RCHY1: variants seen among roughly 807,000 people sequenced by gnomAD.
RCHY1 encodes RING finger and CHY zinc finger domain-containing protein 1.
RCHY1 carries 21 observed loss-of-function variants against 41.6 expected under a neutral mutation model. The observed-to-expected ratio is 0.51, with a 90% CI of 0.36 to 0.73. The LOEUF (loss-of-function observed/expected upper bound fraction) is 0.73, where lower values mean the gene tolerates loss of function less well. Ranked by LOEUF, RCHY1 falls within the 30% of genes least tolerant of loss-of-function variation. RCHY1 has a pLI of 0.00. For missense variants in RCHY1, 265 were observed against 325.3 expected (o/e 0.81, Z 1.43); for synonymous variants, 79 against 102.9 (o/e 0.77, Z 1.41).
chr4:75,511,120 A>G (rs1724820526), intron 1 of RCHY1, among the ~76,000 whole-genome samples: 1 of 152,176 alleles, frequency 6.6e-6, no homozygotes, highest in African/African-American at 2.4e-5. Context: ...CTATTGCTCT[A>G]TCTTGCACTT....
intron 3 of RCHY1, among the ~76,000 whole-genome samples, chr4:75,506,606 A>C (rs570585450): frequency 2.0e-5 from 3 of 152,120 alleles, no homozygotes; most frequent in Admixed American, 2.0e-4. Context: ...TATCCAATTT[A>C]AGCATAAAGA....
chr4:75,490,502 T>TC, intron 8 of RCHY1, 79 bp downstream of exon 8: 2 of 1,119,334 alleles, frequency 1.8e-6, no homozygotes, highest in South Asian at 1.6e-5. Flanking sequence ...TATTTTTTTT[T>TC]TGGCAAATTC....
intron 1 of RCHY1, among the ~76,000 whole-genome samples, chr4:75,509,964 C>G (rs947492789): frequency 6.6e-6 from 1 of 152,182 alleles, no homozygotes; most frequent in Non-Finnish European, 1.5e-5. Flanking sequence ...TGAGCCTAAA[C>G]AGCAAACAGG....
chr4:75,492,786 T>G (rs1722867802), intron 4 of RCHY1, among the ~76,000 whole-genome samples: 1 of 151,964 alleles, frequency 6.6e-6, no homozygotes, highest in African/African-American at 2.4e-5. Flanking sequence ...AATAATAAGC[T>G]TAATAGTAAG....
At chr4:75,492,217 C>T (rs1312641975) in intron 4 of RCHY1, among the ~76,000 whole-genome samples, 1 of 151,826 alleles carries the variant, frequency 6.6e-6, no homozygotes, top group Non-Finnish European at 1.5e-5. Flanking sequence ...GACACTTACC[C>T]AAGATCCAAA....
intron 3 of RCHY1, among the ~76,000 whole-genome samples, chr4:75,504,175 C>A (rs7657576): frequency 0.4 from 59,990 of 151,848 alleles, 11,997 homozygotes; most frequent in East Asian, 0.42. Context: ...CAAGCTAGAA[C>A]CTATTAGAAA....
chr4:75,487,281 G>A (rs928596530), intron 8 of RCHY1, among the ~76,000 whole-genome samples: 1 of 150,818 alleles, frequency 6.6e-6, no homozygotes, highest in African/African-American at 2.4e-5. Context: ...TTTACTTTTG[G>A]GTAAATTTCA....
In RCHY1 at chr4:75,490,613, T is replaced by G; in HGVS notation, c.625A>C (p.Met209Leu). The change falls in exon 8 of 9, where the codon ATG becomes CTG. Residue 209 changes from methionine (M) to leucine (L), a missense_variant. Coordinates refer to ENST00000324439, the MANE Select transcript of RCHY1 (RefSeq NM_015436.4). ...QLDDEVAQTP[M>L]PSEYQNMTVD... Reference sequence around the variant, plus strand: ...GTCATGTTCTGATATTCTGATGGCATAGGAGTCTGTGCTACTTCATCATCC... The same window carrying G: ...GTCATGTTCTGATATTCTGATGGCAGAGGAGTCTGTGCTACTTCATCATCC... 1 of 1,612,792 alleles carries G rather than the reference T, an allele frequency of 6.2e-7. No individual in the cohort carries two copies. The highest frequency in any genetic ancestry group is 8.5e-7 in the Non-Finnish European group (1 of 1,179,010).
At chr4:75,490,536 T>G (rs779129335) in intron 8 of RCHY1, 45 bp downstream of exon 8, 4 of 1,541,672 alleles carry the variant, frequency 2.6e-6, no homozygotes, top group Non-Finnish European at 3.5e-6. Context: ...AAAATAAGAG[T>G]GCCAACAAGG....
chr4:75,491,675 A>G (rs1722765389), intron 6 of RCHY1, 38 bp from the exon 7 acceptor site: 1 of 1,601,020 alleles, frequency 6.2e-7, no homozygotes, highest in Non-Finnish European at 8.5e-7. Context: ...TAAAACAAAA[A>G]CTGTCTCCAC....
At chr4:75,483,640 A>G (rs1578200980) in intron 8 of RCHY1, among the ~76,000 whole-genome samples, 1 of 152,348 alleles carries the variant, frequency 6.6e-6, no homozygotes, top group East Asian at 1.9e-4. Flanking sequence ...TACATGGAAC[A>G]TAGCACACTT....
At chr4:75,494,252 C>A in intron 3 of RCHY1, 73 bp from the exon 4 acceptor site, 1 of 1,094,558 alleles carries the variant, frequency 9.1e-7, no homozygotes, top group Non-Finnish European at 1.3e-6. Context: ...TTATGTAAAA[C>A]ACAAGTTTAG....
rs1721319835 is a variant in RCHY1 at position 75,479,043 on chromosome 4, A to C, written c.*3495T>G. 1 of 152,174 alleles carries C rather than the reference A, an allele frequency of 6.6e-6. No homozygotes were observed. Among genetic ancestry groups the C allele is most frequent in the Non-Finnish European group, 1.5e-5 (1 of 68,002 alleles). The allele number at this position is 152,174 out of a possible 1,614,324, so 9.4% of individuals were successfully genotyped here. A position where few individuals can be genotyped will look rare whatever the true frequency, so the allele number is the denominator to read the frequency against. The stretch of plus-strand genomic sequence containing the variant: ...AAAGGGTACAAAATATCAGTTAGAC[A>C]AGAGGAATAAACTTTACTGATCTAT... On this transcript the variant is annotated 3_prime_UTR_variant, in exon 9 of 9. Coordinates refer to ENST00000324439, the MANE Select transcript of RCHY1 (RefSeq NM_015436.4).
intron 3 of RCHY1, among the ~76,000 whole-genome samples, chr4:75,501,845 A>G (rs1382551790): frequency 2.0e-5 from 3 of 152,176 alleles, no homozygotes; most frequent in Non-Finnish European, 4.4e-5. Context: ...TTGGGAGGCC[A>G]AGGTGGGAGG....
rs1420994603 is a variant in RCHY1, at chr4:75,509,221, T to G, written c.166A>C (p.Lys56Gln). The part of the protein sequence containing the change: ...NNEDHQLDRF[K>Q]VKEVQCINCE... Reference sequence around the variant, plus strand: ...TTTATGCACTGCACTTCCTTCACTTTAAAGCGATCTAGTTGATGATCTTCA... The same window carrying G: ...TTTATGCACTGCACTTCCTTCACTTGAAAGCGATCTAGTTGATGATCTTCA... Residue 56 changes from lysine (K) to glutamine (Q), a missense_variant, in exon 2 of 9, where the codon AAA becomes CAA. Lys to Gln is a moderately conservative substitution (Grantham distance 53). Coordinates refer to ENST00000324439, the MANE Select transcript of RCHY1 (RefSeq NM_015436.4). The G allele has an allele frequency of 1.9e-6, 3 of 1,613,270 alleles. No homozygotes were observed. Among genetic ancestry groups the G allele is most frequent in the Non-Finnish European group, 8.5e-7 (1 of 1,179,502 alleles).
intron 3 of RCHY1, among the ~76,000 whole-genome samples, chr4:75,499,915 A>G (rs1723585857): frequency 6.6e-6 from 1 of 152,242 alleles, no homozygotes; most frequent in East Asian, 1.9e-4. Flanking sequence ...AACTAGCTAA[A>G]AGAGAATTAA....
At chr4:75,511,046 C>T (rs1313181625) in intron 1 of RCHY1, among the ~76,000 whole-genome samples, 1 of 152,134 alleles carries the variant, frequency 6.6e-6, no homozygotes, top group Admixed American at 6.5e-5. Context: ...AACATGAAAT[C>T]TGAAATCGTA....
At chr4:75,509,414 G>T in intron 1 of RCHY1, 118 bp from the exon 2 acceptor site, 1 of 849,530 alleles carries the variant, frequency 1.2e-6, no homozygotes, top group Non-Finnish European at 1.8e-6. Context: ...ACAACCAATA[G>T]ATCAGTTGCT....
intron 2 of RCHY1, 114 bp downstream of exon 2, chr4:75,509,063 T>C (rs1333498175): frequency 7.4e-6 from 9 of 1,214,048 alleles, no homozygotes; most frequent in South Asian, 3.0e-5. Flanking sequence ...AAACCAAAGA[T>C]ATTGCTTATT....
Sources: allele counts gnomAD v4.1 joint callset (sites outside exome capture counted in the v4.1 genomes callset), GRCh38; gene constraint gnomAD v4.1.1; transcripts MANE v1.5; gene names NCBI Gene and HGNC (gene_info 2026-07-23, HGNC 2026-07-21).